Variants in FHIT observed in about 807,000 individuals in gnomAD.
FHIT encodes fragile histidine triad diadenosine triphosphatase, also known as bis(5'-adenosyl)-triphosphatase.
FHIT carries 19 observed loss-of-function variants against 17.9 expected under a neutral mutation model. That is an observed-to-expected ratio of 1.06 (90% confidence interval 0.74 to 1.56). The LOEUF (loss-of-function observed/expected upper bound fraction) is 1.56. Ranked by LOEUF, FHIT falls within the 40% of genes most tolerant of loss-of-function variation. FHIT has a pLI of 0.00. For missense variants in FHIT, 248 were observed against 189.2 expected, an observed-to-expected ratio of 1.31 and a Z score of -1.82; for synonymous variants, 81 against 69.7, an observed-to-expected ratio of 1.16 and a Z score of -0.81.
intron 5 of FHIT, among the ~76,000 whole-genome samples, chr3:60,064,177 A>T (rs1182495883): frequency 6.6e-6 from 1 of 152,214 alleles, no homozygotes; most frequent in Non-Finnish European, 1.5e-5. Context: ...CTGAAGTTAT[A>T]GGTATGGCTA....
chr3:60,239,976 A>C (rs1705043953), intron 5 of FHIT, among the ~76,000 whole-genome samples: 1 of 152,212 alleles, frequency 6.6e-6, no homozygotes, highest in African/African-American at 2.4e-5. Context: ...GAAAATAGGA[A>C]TATTAGCAAA....
At chr3:59,839,142 C>A (rs959227118) in intron 8 of FHIT, among the ~76,000 whole-genome samples, 6 of 151,910 alleles carry the variant, frequency 3.9e-5, no homozygotes, top group African/African-American at 1.5e-4. Context: ...CATGGTGAAA[C>A]CCCATCTCTA....
intron 8 of FHIT, among the ~76,000 whole-genome samples, chr3:59,799,850 C>T (rs931660922): frequency 3.9e-5 from 6 of 152,012 alleles, no homozygotes; most frequent in African/African-American, 7.3e-5. Flanking sequence ...CTTGTGGGGG[C>T]GATTTTTTAA....
intron 5 of FHIT, among the ~76,000 whole-genome samples, chr3:60,046,904 T>A (rs910011277): frequency 1.3e-5 from 2 of 152,198 alleles, no homozygotes; most frequent in African/African-American, 4.8e-5. Flanking sequence ...CTGTCCCTTT[T>A]ACGCATTACA....
intron 3 of FHIT, among the ~76,000 whole-genome samples, chr3:60,920,304 A>G (rs72889178): frequency 0.035 from 5,356 of 152,266 alleles, 308 homozygotes; most frequent in African/African-American, 0.12. Flanking sequence ...TTTATGAGAG[A>G]AAAGCTTAAG....
chr3:60,877,564 G>A (rs1704726213), intron 3 of FHIT, among the ~76,000 whole-genome samples: 1 of 152,284 alleles, frequency 6.6e-6, no homozygotes, highest in African/African-American at 2.4e-5. Flanking sequence ...GTAGGACCCT[G>A]TATCCCAGGT....
At chr3:60,530,999 A>G (rs576028403) in intron 5 of FHIT, among the ~76,000 whole-genome samples, 43 of 152,322 alleles carry the variant, frequency 2.8e-4, no homozygotes, top group African/African-American at 9.1e-4. Context: ...TGCTAAATGC[A>G]TGTCTTTGAA....
chr3:60,534,685 T>G (rs757409954), intron 5 of FHIT, among the ~76,000 whole-genome samples: 29 of 152,140 alleles, frequency 1.9e-4, no homozygotes, highest in Admixed American at 1.3e-4. Context: ...TCCTTCTTGC[T>G]ACCTTCCAAA....
chr3:60,559,384 T>C (rs1307019431), intron 4 of FHIT, among the ~76,000 whole-genome samples: 1 of 152,204 alleles, frequency 6.6e-6, no homozygotes, highest in African/African-American at 2.4e-5. Context: ...AAGTGAAGCA[T>C]GCATTTGCTG....
At chr3:59,966,947 G>A (rs2107366875) in intron 7 of FHIT, among the ~76,000 whole-genome samples, 1 of 152,224 alleles carries the variant, frequency 6.6e-6, no homozygotes, top group Non-Finnish European at 1.5e-5. Flanking sequence ...GTAATAACAT[G>A]TAGCTTAAAA....
chr3:61,160,394 G>C (rs1038045490), intron 2 of FHIT, among the ~76,000 whole-genome samples: 4 of 152,162 alleles, frequency 2.6e-5, no homozygotes, highest in South Asian at 2.1e-4. Context: ...TGTAAAGATA[G>C]GACGTTGGAA....
intron 8 of FHIT, among the ~76,000 whole-genome samples, chr3:59,890,787 A>T (rs1422487092): frequency 2.0e-5 from 3 of 152,222 alleles, no homozygotes; most frequent in Admixed American, 6.5e-5. Flanking sequence ...TTCACGTACA[A>T]TGCTAAGGTC....
At position 60,836,585 on chromosome 3, in the gene FHIT, C is replaced by T. The variant is rs530878216; in HGVS notation, c.-110-14574G>A. 4.6e-5 allele frequency among the ~76,000 whole-genome samples: 7 copies of T among 152,108 alleles called. No homozygotes were observed. The East Asian group carries it at 1.4e-3, about 29-fold the overall frequency. ...GTTGTTCATGGCATTTCTTTATTAT[C>T]CTTTTGATGTCTACAGGGTCAATAG... On this transcript the variant is annotated intron_variant, in intron 3 of 9. Coordinates refer to ENST00000492590, the MANE Select transcript of FHIT (RefSeq NM_002012.4).
chr3:60,973,733 T>G (rs552235581), intron 3 of FHIT, among the ~76,000 whole-genome samples: 1 of 152,304 alleles, frequency 6.6e-6, no homozygotes, highest in South Asian at 2.1e-4. Flanking sequence ...AAAGAAGTAT[T>G]GACCTTCACT....
chr3:60,136,790 G>A (rs543421776), intron 5 of FHIT, among the ~76,000 whole-genome samples: 4 of 152,120 alleles, frequency 2.6e-5, no homozygotes, highest in South Asian at 4.1e-4. Context: ...TGTACCTTGT[G>A]GGGGAGCTGT....
At chr3:59,882,568 C>A (rs2106959795) in intron 8 of FHIT, among the ~76,000 whole-genome samples, 1 of 152,296 alleles carries the variant, frequency 6.6e-6, no homozygotes, top group African/African-American at 2.4e-5. Context: ...ATAACTTTCA[C>A]ATCCCTACAA....
intron 5 of FHIT, among the ~76,000 whole-genome samples, chr3:60,291,241 G>A (rs1268062497): frequency 2.0e-5 from 3 of 152,094 alleles, no homozygotes; most frequent in Non-Finnish European, 4.4e-5. Context: ...ATAGATACCT[G>A]GTGAGGAGGC....
At chr3:60,710,577 C>T (rs1430579510) in intron 4 of FHIT, among the ~76,000 whole-genome samples, 15 of 152,334 alleles carry the variant, frequency 9.8e-5, no homozygotes, top group Middle Eastern at 3.4e-3. Context: ...CTGAATACCA[C>T]GCTTTTCCGA....
At chr3:60,346,399 G>A (rs1710781856) in intron 5 of FHIT, among the ~76,000 whole-genome samples, 1 of 152,172 alleles carries the variant, frequency 6.6e-6, no homozygotes, top group Non-Finnish European at 1.5e-5. Flanking sequence ...GACAGCTCTT[G>A]TCAACTGGAC....
Sources: gnomAD v4.1 joint callset for allele counts (sites outside exome capture counted in the v4.1 genomes callset) on GRCh38, gnomAD v4.1.1 for gene constraint, MANE v1.5 for transcripts, NCBI Gene and HGNC (gene_info 2026-07-23, HGNC 2026-07-21) for gene names.